The following RNF17 variants were observed in gnomAD, a reference collection of about 807,000 sequenced individuals.
The protein encoded by RNF17 is ring finger protein 17.
RNF17 carries 31 observed loss-of-function variants against 200.5 expected under a neutral mutation model. The ratio of observed to expected loss-of-function variants is 0.15; its 90% confidence interval spans 0.12 to 0.21. The LOEUF is 0.21. Among genes scored for constraint, RNF17 ranks in the 10% least tolerant of loss-of-function variants. The pLI is 1.00. For missense variants in RNF17, 1,628 were observed against 1,905.1 expected (o/e 0.85, Z 2.71); for synonymous variants, 606 against 637.8 (o/e 0.95, Z 0.75).
intron 16 of RNF17, among the ~76,000 whole-genome samples, chr13:24,829,799 TTAAAG>T (rs1889186859): frequency 6.6e-6 from 1 of 152,246 alleles, no homozygotes; most frequent in Non-Finnish European, 1.5e-5. Flanking sequence ...AGAGATTTCT[TTAAAG>T]TATAGAGAAT....
chr13:24,836,097 C>A (rs1038954690), intron 18 of RNF17, among the ~76,000 whole-genome samples: 3 of 152,112 alleles, frequency 2.0e-5, no homozygotes, highest in African/African-American at 7.2e-5. Context: ...CCTAATCCAA[C>A]AAAGACAAGG....
intron 15 of RNF17, among the ~76,000 whole-genome samples, chr13:24,812,185 T>G (rs4617696): frequency 6.8e-6 from 1 of 147,044 alleles, no homozygotes; most frequent in African/African-American, 2.4e-5. Flanking sequence ...TCGAGCTTCC[T>G]GGCTGCTTTG....
chr13:24,764,185 C>G lies in RNF17; in HGVS notation c.-19C>G. Reference sequence around the variant, plus strand: ...CCGGGACTCGCACTCGGCGGTTGTTCCAGAAGAAAGAGACAGCGATGGCGG... The same window carrying G: ...CCGGGACTCGCACTCGGCGGTTGTTGCAGAAGAAAGAGACAGCGATGGCGG... On this transcript the variant is annotated 5_prime_UTR_variant, in exon 1 of 36. Coordinates refer to ENST00000255324, the MANE Select transcript of RNF17 (RefSeq NM_031277.3). The G allele has an allele frequency of 6.4e-7, 1 of 1,573,142 alleles. No homozygotes were observed. The highest frequency in any genetic ancestry group is 1.3e-5 in the African/African-American group (1 of 74,386).
At position 24,802,781 on chromosome 13, in the gene RNF17, C is replaced by A. The variant is rs189454478; in HGVS notation, c.1949+210C>A. On this transcript the variant is annotated intron_variant, in intron 14 of 35. Transcript: ENST00000255324. ...ATTTAAGAAAATAGGCTGGGCAGGG[C>A]GTCTCACAACTGTAATTCTAGCACT... Among the ~76,000 whole-genome samples, 8 of 152,214 alleles carry A rather than the reference C, an allele frequency of 5.3e-5. No homozygotes were observed. In the South Asian group the frequency reaches 1.7e-3, roughly 32 times the overall value.
intron 9 of RNF17, among the ~76,000 whole-genome samples, chr13:24,790,549 G>A (rs1674478323): frequency 6.6e-6 from 1 of 152,146 alleles, no homozygotes; most frequent in African/African-American, 2.4e-5. Context: ...CATGTCGTTA[G>A]TGACTACCTG....
intron 1 of RNF17, among the ~76,000 whole-genome samples, chr13:24,766,481 A>G (rs1879712923): frequency 6.6e-6 from 1 of 152,258 alleles, no homozygotes; most frequent in Non-Finnish European, 1.5e-5. Flanking sequence ...TAAGTTTGTG[A>G]AAATGTGAGT....
rs115315431 is a variant in RNF17, at chr13:24,790,734, A to T, written c.935+962A>T. 9.4e-3 allele frequency among the ~76,000 whole-genome samples: 1,429 copies of T among 152,302 alleles called. 29 individuals carry two copies. The highest frequency in any genetic ancestry group is 0.033 in the African/African-American group (1,372 of 41,580). Reference sequence around the variant, plus strand: ...TGAGGGCCCTGATCTCTGCTTTAAGATAGCACTTTGAATGCTGTGTCCTCA... The same window carrying T: ...TGAGGGCCCTGATCTCTGCTTTAAGTTAGCACTTTGAATGCTGTGTCCTCA... On this transcript the variant is annotated intron_variant, in intron 9 of 35. Coordinates refer to ENST00000255324, the MANE Select transcript of RNF17 (RefSeq NM_031277.3).
At chr13:24,850,637 T>G (rs1030206105) in intron 23 of RNF17, among the ~76,000 whole-genome samples, 194 bp downstream of exon 23, 1 of 152,276 alleles carries the variant, frequency 6.6e-6, no homozygotes, top group African/African-American at 2.4e-5. Context: ...TTCTTTTTTC[T>G]AATTTAAATG....
Position 24,779,670 on chromosome 13 carries a change from A to C in RNF17, c.433A>C (p.Thr145Pro), listed in dbSNP as rs767892070. 2 of 1,609,346 alleles carry C rather than the reference A, an allele frequency of 1.2e-6. No homozygotes were observed. The highest frequency in any genetic ancestry group is 4.5e-5 in the East Asian group (2 of 44,806). Residue 145 changes from threonine (T) to proline (P), a missense_variant, in exon 5 of 36, where the codon ACT becomes CCT. Around this residue, in one of 5 missense-constraint regions of RNF17, gnomAD observed 502 missense variants for 501.7 expected, o/e 1.00. Transcript: ENST00000255324. ...TGTGATTTCCCTCCCTTCTTAGGAC[A>C]CTAATACTGCAGAAGAAATTGATGA... is the stretch of plus-strand genomic sequence containing the variant. The part of the protein sequence containing the change: ...LLNSSAVMLD[T>P]NTAEEIDEAL...
intron 15 of RNF17, among the ~76,000 whole-genome samples, chr13:24,822,412 T>A (rs1234888767): frequency 6.6e-6 from 1 of 152,022 alleles, no homozygotes; most frequent in Non-Finnish European, 1.5e-5. Flanking sequence ...CCTAAGTAAT[T>A]TCTTTTTTTT....
At chr13:24,881,859 GATAT>G (rs1953838031), downstream of RNF17, among the ~76,000 whole-genome samples, 1 of 104,604 alleles carries the variant, frequency 9.6e-6, no homozygotes, top group Non-Finnish European at 2.1e-5. Flanking sequence ...CATCTATATA[GATAT>G]ATAGATACAT....
At chr13:24,879,150 T>C (rs374422129) in intron 34 of RNF17, 37 bp from the exon 35 acceptor site, 1 of 1,495,820 alleles carries the variant, frequency 6.7e-7, no homozygotes, top group African/African-American at 1.4e-5. Context: ...AGCAAAGACA[T>C]TACTGTTTTC....
intron 31 of RNF17, among the ~76,000 whole-genome samples, chr13:24,869,934 ATT>A (rs34196797): frequency 0.073 from 6,085 of 83,616 alleles, 75 homozygotes; most frequent in East Asian, 0.15. Context: ...TGCCCAGCTA[ATT>A]TTTTTTTTTT....
intron 11 of RNF17, among the ~76,000 whole-genome samples, chr13:24,798,940 C>T (rs902894528): frequency 3.3e-5 from 5 of 152,142 alleles, no homozygotes; most frequent in Non-Finnish European, 5.9e-5. Flanking sequence ...TCTCACTCCC[C>T]TTTACAAAGA....
the RNF17 span, among the ~76,000 whole-genome samples, chr13:24,758,020 C>G: frequency 2.6e-5 from 4 of 152,180 alleles, no homozygotes; most frequent in Non-Finnish European, 5.9e-5. Context: ...CCTGCTCCCA[C>G]CATGTAAGAC....
chr13:24,877,365 T>C (rs1038371791), intron 34 of RNF17, among the ~76,000 whole-genome samples, 179 bp downstream of exon 34: 8 of 152,198 alleles, frequency 5.3e-5, no homozygotes, highest in Non-Finnish European at 1.5e-5. Flanking sequence ...TTGAGGCTTG[T>C]TAAAATGTCT....
At chr13:24,823,331 C>G (rs1280365153) in intron 15 of RNF17, among the ~76,000 whole-genome samples, 1 of 152,192 alleles carries the variant, frequency 6.6e-6, no homozygotes, top group Non-Finnish European at 1.5e-5. Context: ...CTCAGCTTCC[C>G]AAAGTGCTGG....
intron 32 of RNF17, among the ~76,000 whole-genome samples, chr13:24,873,871 G>C (rs1005154420): frequency 1.3e-5 from 2 of 152,116 alleles, no homozygotes; most frequent in Non-Finnish European, 2.9e-5. Flanking sequence ...CCATGTTGCT[G>C]CAAATAACAG....
At chr13:24,780,044 T>G (rs1299521631) in intron 5 of RNF17, among the ~76,000 whole-genome samples, 7 of 152,194 alleles carry the variant, frequency 4.6e-5, no homozygotes, top group Non-Finnish European at 1.0e-4. Flanking sequence ...GCTGATTGTT[T>G]GGCTGTATCC....
Sources: gnomAD v4.1 joint callset for allele counts (sites outside exome capture counted in the v4.1 genomes callset) on GRCh38, gnomAD v4.1.1 for gene constraint, gnomAD v4.1.1 regional missense constraint, MANE v1.5 for transcripts, NCBI Gene and HGNC (gene_info 2026-07-23, HGNC 2026-07-21) for gene names.